The following KANSL2 variants were observed in gnomAD, a reference collection of about 807,000 sequenced individuals.
The protein encoded by KANSL2 is KAT8 regulatory NSL complex subunit 2, also known as NSL complex protein NSL2.
KANSL2 carries 34 observed loss-of-function variants against 55.6 expected under a neutral mutation model. The ratio of observed to expected loss-of-function variants is 0.61; its 90% CI spans 0.46 to 0.81. The LOEUF (loss-of-function observed/expected upper bound fraction) is 0.81, where lower values mean the gene tolerates loss of function less well. Ranked by LOEUF, KANSL2 falls within the 40% of genes least tolerant of loss-of-function variation. KANSL2 has a pLI of 0.00. For synonymous variants in KANSL2, 209 were observed against 214.3 expected (o/e 0.98, Z 0.22); for missense variants, 502 against 609.9 (o/e 0.82, Z 1.86).
chr12:48,671,665 G>A (rs1366109717), intron 5 of KANSL2, 134 bp downstream of exon 5: 3 of 885,438 alleles, frequency 3.4e-6, no homozygotes, highest in African/African-American at 3.3e-5. Flanking sequence ...GTTAGCGTGA[G>A]TCACTCCATG....
rs74089365 is a variant in KANSL2, at chr12:48,669,089, G to T, written c.876+17C>A. ...TAAAGTGAACGTATATACCTTAAAG[G>T]TATACACACAAATTACCTGTTGGGC... On this transcript the variant is annotated intron_variant, in intron 6 of 9. Transcript: ENST00000420613. 1.1e-3 allele frequency: 1,733 copies of T among 1,525,062 alleles called. 15 individuals are homozygous for T. The African/African-American group carries it at 0.021, about 18-fold the overall frequency. The allele number at this position is 1,525,062 out of a possible 1,614,324, so 94.5% of individuals were successfully genotyped here.
intron 4 of KANSL2, among the ~76,000 whole-genome samples, chr12:48,677,078 T>C (rs1400140606): frequency 6.6e-6 from 1 of 152,194 alleles, no homozygotes; most frequent in Non-Finnish European, 1.5e-5. Context: ...TTTACATGCC[T>C]AAAAATGCAT....
intron 5 of KANSL2, among the ~76,000 whole-genome samples, chr12:48,669,500 T>C (rs144707850): frequency 1.3e-5 from 2 of 152,132 alleles, no homozygotes; most frequent in African/African-American, 4.8e-5. Flanking sequence ...CCCATAAGAT[T>C]ATAACAAAGC....
intron 4 of KANSL2, among the ~76,000 whole-genome samples, chr12:48,672,416 T>TAC (rs1939737921): frequency 2.6e-5 from 3 of 113,412 alleles, no homozygotes; most frequent in South Asian, 2.7e-4. Context: ...TACGTATATA[T>TAC]ATATATATAT....
At chr12:48,671,662 TGAGTCACTCC>T in intron 5 of KANSL2, 127 bp downstream of exon 5, 2 of 861,126 alleles carry the variant, frequency 2.3e-6, no homozygotes, top group Non-Finnish European at 3.7e-6. Context: ...TACGTTAGCG[TGAGTCACTCC>T]ATGAAGTTTG....
intron 5 of KANSL2, 60 bp downstream of exon 5, chr12:48,671,739 G>A: frequency 9.3e-6 from 14 of 1,504,732 alleles, no homozygotes; most frequent in Non-Finnish European, 1.3e-5. Context: ...ACACATGACT[G>A]TACTACCAAA....
At chr12:48,654,883 C>A in intron 9 of KANSL2, 58 bp downstream of exon 9, 2 of 1,538,708 alleles carry the variant, frequency 1.3e-6, no homozygotes, top group South Asian at 1.2e-5. Context: ...TAGCAGGGAA[C>A]CCTCTGCCTG....
intron 4 of KANSL2, among the ~76,000 whole-genome samples, chr12:48,674,401 C>T (rs554697412): frequency 4.1e-4 from 63 of 152,300 alleles, no homozygotes; most frequent in African/African-American, 1.3e-3. Flanking sequence ...CCACCCGACT[C>T]GGCCTCCCAA....
chr12:48,672,604 TA>T (rs1223852750), intron 4 of KANSL2, among the ~76,000 whole-genome samples: 7 of 151,554 alleles, frequency 4.6e-5, no homozygotes, highest in African/African-American at 1.7e-4. Context: ...TTAATTTTTG[TA>T]TTTTTTGTAG....
At position 48,660,708 on chromosome 12, in the gene KANSL2, G is replaced by C. The variant is rs3741629; in HGVS notation, c.974-89C>G. On this transcript the variant is annotated intron_variant, in intron 7 of 9. Coordinates refer to ENST00000420613, the MANE Select transcript of KANSL2 (RefSeq NM_017822.4). ...TTGTCTGCCACATAAAACTCAAGGT[G>C]TGGACTATATAAGATAAATTACAAC... 807,377 of 1,332,094 alleles carry C rather than the reference G, an allele frequency of 0.61. 246,026 individuals carry two copies. The highest frequency in any genetic ancestry group is 0.76 in the East Asian group (31,334 of 41,122). 82.5% of individuals were successfully genotyped at this position (1,332,094 alleles called of 1,614,324 possible). A position where few individuals can be genotyped will look rare whatever the true frequency, so the allele number is the denominator to read the frequency against.
chr12:48,654,836 G>A, intron 9 of KANSL2, 105 bp downstream of exon 9: 2 of 1,169,634 alleles, frequency 1.7e-6, no homozygotes, highest in Non-Finnish European at 2.4e-6. Flanking sequence ...TTATACTAGT[G>A]ATGACACCCC....
At chr12:48,679,445 A>C (rs143192739) in intron 3 of KANSL2, among the ~76,000 whole-genome samples, 1 of 152,340 alleles carries the variant, frequency 6.6e-6, no homozygotes, top group Non-Finnish European at 1.5e-5. Flanking sequence ...AAGCAATGAA[A>C]GAAATGGTCA....
intron 7 of KANSL2, among the ~76,000 whole-genome samples, chr12:48,664,680 C>G (rs1297801703): frequency 1.4e-5 from 2 of 145,110 alleles, no homozygotes; most frequent in Non-Finnish European, 3.0e-5. Context: ...CTCCCAGGTT[C>G]AAGCAATTCT....
intron 8 of KANSL2, among the ~76,000 whole-genome samples, chr12:48,659,807 T>A (rs1939455360): frequency 6.6e-6 from 1 of 152,182 alleles, no homozygotes; most frequent in Non-Finnish European, 1.5e-5. Flanking sequence ...GAATATTAAT[T>A]CAGTCACAAA....
chr12:48,663,982 A>G (rs578258684), intron 7 of KANSL2, among the ~76,000 whole-genome samples: 6 of 145,000 alleles, frequency 4.1e-5, no homozygotes, highest in South Asian at 2.2e-4. Context: ...CAATGGCACG[A>G]TATCGGCTCA....
chr12:48,676,849 A>G (rs1939830975), intron 4 of KANSL2, among the ~76,000 whole-genome samples: 3 of 152,226 alleles, frequency 2.0e-5, no homozygotes, highest in African/African-American at 7.2e-5. Context: ...CATAAACAAT[A>G]TAAAATTGCC....
chr12:48,664,279 ATTT>A (rs36046064), intron 7 of KANSL2, among the ~76,000 whole-genome samples: 3 of 138,200 alleles, frequency 2.2e-5, no homozygotes, highest in Non-Finnish European at 1.6e-5. Flanking sequence ...GTTTTAAGCA[ATTT>A]TTTTTTTTTT....
rs762185782 is a variant in KANSL2, at chr12:48,671,823, G to A, written c.685C>T (p.Arg229Cys). Residue 229 changes from arginine to cysteine, a missense_variant, in exon 5 of 10, where the codon CGC (arginine) becomes TGC (cysteine). Physicochemically the swap from Arg to Cys is radical, Grantham distance 180 (BLOSUM62 -3). Coordinates refer to ENST00000420613, the MANE Select transcript of KANSL2 (RefSeq NM_017822.4). ...CCTAGAGCTTCATGTTCCACTTTGC[G>A]ATTATGTAAGTATCGGCGCTTCTTC... Reference protein sequence around the residue: ...KEKKRRYLHNRKVEHEALGSS... With the variant: ...KEKKRRYLHNCKVEHEALGSS... 3.5e-5 allele frequency: 56 copies of A among 1,611,904 alleles called. No individual in the cohort carries two copies. Among genetic ancestry groups the A allele is most frequent in the Middle Eastern group, 3.3e-4 (2 of 6,076 alleles).
chr12:48,678,114 C>G (rs886242020), intron 4 of KANSL2, among the ~76,000 whole-genome samples: 1 of 152,152 alleles, frequency 6.6e-6, no homozygotes, highest in Non-Finnish European at 1.5e-5. Context: ...GAAGAAAATG[C>G]TATTGCAAGA....
Sources: gnomAD v4.1 joint callset for allele counts (sites outside exome capture counted in the v4.1 genomes callset) on GRCh38, gnomAD v4.1.1 for gene constraint, MANE v1.5 for transcripts, NCBI Gene and HGNC (gene_info 2026-07-23, HGNC 2026-07-21) for gene names.